TNS1: variants seen among roughly 807,000 people sequenced by gnomAD.
TNS1 encodes tensin 1, also known as tensin-1.
A neutral mutation model predicts 168.6 loss-of-function variants in TNS1; 62 were observed. The ratio of observed to expected loss-of-function variants is 0.37; its 90% confidence interval spans 0.30 to 0.45. The LOEUF is 0.45. TNS1 is among the 20% of genes least tolerant of loss of function. The pLI is 1.00. For synonymous variants in TNS1, 934 were observed against 933.2 expected, an observed-to-expected ratio of 1.00 and a Z score of -0.02; for missense variants, 2,240 against 2,339.4, an observed-to-expected ratio of 0.96 and a Z score of 0.88.
rs912945226 is a variant in TNS1, at chr2:218,032,728, G to A, written c.156+1092C>T. Among the ~76,000 whole-genome samples, 5 of 152,264 alleles carry A rather than the reference G, an allele frequency of 3.3e-5. No homozygotes were observed. Among genetic ancestry groups the A allele is most frequent in the South Asian group, 2.1e-4 (1 of 4,830 alleles). On this transcript the variant is annotated intron_variant, in intron 1 of 1. Coordinates refer to the TNS1 transcript ENST00000649572. The surrounding 1 kb of genome is among the most constrained non-coding windows in gnomAD (Gnocchi z 4.0). ...CTAAACCCCTGAAGGGGGGAGCCCC[G>A]AGCAGCAGCAACCCTCACTGGAGCC...
intron 6 of TNS1, among the ~76,000 whole-genome samples, chr2:217,901,190 T>G (rs942232049): frequency 1.3e-5 from 2 of 152,158 alleles, no homozygotes; most frequent in Non-Finnish European, 2.9e-5. Flanking sequence ...CAGGATGGCA[T>G]GGCGGGTGTG....
chr2:217,827,227 A>G (rs1559179366), intron 22 of TNS1, among the ~76,000 whole-genome samples: 2 of 152,160 alleles, frequency 1.3e-5, no homozygotes, highest in African/African-American at 2.4e-5. Context: ...TAAATGAATC[A>G]ATGCATGAAA....
At position 217,836,014 on chromosome 2, in the gene TNS1, C is replaced by T; in HGVS notation, c.3204+1G>A. 2 of 1,612,120 alleles carry T rather than the reference C, an allele frequency of 1.2e-6. No individual in the cohort carries two copies. Among genetic ancestry groups the T allele is most frequent in the Non-Finnish European group, 1.7e-6 (2 of 1,178,584 alleles). On this transcript the variant is annotated splice_donor_variant, in intron 20 of 32. Transcript: ENST00000682258. LOFTEE classifies it high-confidence loss of function. ...CCCCAAGATACAGCTTAAGGACTCACCTCTTTGGGCCGCCCTCCAGGATTG... is the reference window on the plus strand; with the variant it reads ...CCCCAAGATACAGCTTAAGGACTCATCTCTTTGGGCCGCCCTCCAGGATTG...
Position 217,813,771 on chromosome 2 carries a change from C to T in TNS1, c.4775G>A (p.Arg1592His). ...CGCGCCTCGGAAGGAGTGACTGTCG[C>T]GGATGATGAAGGCCCCCGGCTCCTG... ...KDQEPGAFII[R>H]DSHSFRGAYG... is the part of the protein sequence containing the mutation. Residue 1592 changes from arginine to histidine, a missense_variant, in exon 26 of 33, where the codon CGC (arginine) becomes CAC (histidine). Arg to His is a conservative substitution (Grantham distance 29). Coordinates refer to ENST00000682258, the MANE Select transcript of TNS1 (RefSeq NM_001387777.1). The surrounding 1 kb of genome is among the most constrained non-coding windows in gnomAD (Gnocchi z 4.0). The T allele has an allele frequency of 1.9e-6, 3 of 1,613,890 alleles. No homozygotes were observed. Among genetic ancestry groups the T allele is most frequent in the Non-Finnish European group, 1.7e-6 (2 of 1,179,870 alleles).
At chr2:217,923,377 ATCACCCTTGC>A (rs201407704) in intron 3 of TNS1, among the ~76,000 whole-genome samples, 2,007 of 152,348 alleles carry the variant, frequency 0.013, 50 homozygotes, top group African/African-American at 0.045. Context: ...ATAAACTCCC[ATCACCCTTGC>A]TCTGTGCCAG....
chr2:217,818,706 G>T lies in TNS1; in HGVS notation c.3626C>A (p.Thr1209Lys). ...AGACTCCAACAGAGGCTGGGTGGGC[G>T]TCCGGGGACCCTGGTCACTGCTCTC... is the stretch of plus-strand genomic sequence containing the variant. ...SGESSDQGPR[T>K]PTQPLLESGF... Residue 1209 changes from threonine to lysine, a missense_variant, in exon 24 of 33, where the codon ACG (threonine) becomes AAG (lysine). Thr to Lys is a moderately conservative substitution (Grantham distance 78). Transcript: ENST00000682258. 1 of 1,614,100 alleles carries T rather than the reference G, an allele frequency of 6.2e-7. No individual in the cohort carries two copies. The highest frequency in any genetic ancestry group is 8.5e-7 in the Non-Finnish European group (1 of 1,180,028).
rs1427696948 is a variant in TNS1 at position 217,886,526 on chromosome 2, G to A, written c.979+8C>T. The A allele has an allele frequency of 3.2e-6, 5 of 1,581,562 alleles. No homozygotes were observed. The South Asian group carries it at 5.8e-5, about 18-fold the overall frequency. On this transcript the variant is annotated splice_region_variant and intron_variant, in intron 13 of 32. Transcript: ENST00000682258. Reference sequence around the variant, plus strand: ...AAGGGTGGAGGTCAGAGGGCTCAAGGCAGGTACCTCCTTTAGACTCAAAGT... The same window carrying A: ...AAGGGTGGAGGTCAGAGGGCTCAAGACAGGTACCTCCTTTAGACTCAAAGT...
chr2:217,959,380 GC>G (rs1957440135), intron 3 of TNS1, among the ~76,000 whole-genome samples: 4 of 152,048 alleles, frequency 2.6e-5, no homozygotes, highest in Admixed American at 1.3e-4. Context: ...TGGTATCTTA[GC>G]ATGGAACCTG....
chr2:217,897,099 G>A (rs1428087098), intron 8 of TNS1, among the ~76,000 whole-genome samples: 6 of 152,160 alleles, frequency 3.9e-5, no homozygotes, highest in African/African-American at 1.4e-4. Flanking sequence ...CAAACACCCT[G>A]GGGACAGCCA....
chr2:217,857,460 C>G (rs991828925), intron 18 of TNS1, among the ~76,000 whole-genome samples: 1 of 152,166 alleles, frequency 6.6e-6, no homozygotes, highest in African/African-American at 2.4e-5. Flanking sequence ...GGTGGACTCT[C>G]CAACTATGTC....
At chr2:218,006,581 C>T (rs983746988), upstream of TNS1, among the ~76,000 whole-genome samples, 8 of 152,166 alleles carry the variant, frequency 5.3e-5, no homozygotes, top group South Asian at 2.1e-4. Context: ...CCAGGGGTCA[C>T]GGTAACAGCC....
intron 3 of TNS1, among the ~76,000 whole-genome samples, chr2:217,928,683 C>T (rs1049987139): frequency 1.3e-5 from 2 of 151,968 alleles, no homozygotes; most frequent in African/African-American, 4.8e-5. Context: ...AGGCCCCAGG[C>T]CCCACCCCTC....
chr2:217,864,189 T>C (rs184171679), intron 18 of TNS1, among the ~76,000 whole-genome samples: 2 of 152,318 alleles, frequency 1.3e-5, no homozygotes, highest in African/African-American at 2.4e-5. Context: ...TCACCGCGCT[T>C]CTGCTTCTCC....
At chr2:217,841,316 A>AG in intron 19 of TNS1, 1 of 978,510 alleles carries the variant, frequency 1.0e-6, no homozygotes, top group Non-Finnish European at 1.2e-6. Context: ...GGGAGCCAGC[A>AG]GGGAGTGGGA....
At chr2:217,805,361 C>T (rs1574519046) in intron 32 of TNS1, among the ~76,000 whole-genome samples, 1 of 151,774 alleles carries the variant, frequency 6.6e-6, no homozygotes, top group African/African-American at 2.4e-5. Flanking sequence ...CGCAGGACCA[C>T]GGCAGCTGAA....
chr2:217,940,833 G>A (rs1956873896), intron 3 of TNS1, among the ~76,000 whole-genome samples: 1 of 152,096 alleles, frequency 6.6e-6, no homozygotes, highest in South Asian at 2.1e-4. Flanking sequence ...AGCACTCACG[G>A]GCACTTCCAT....
At position 218,033,727 on chromosome 2, in the gene TNS1, T is replaced by G. The variant is rs1457548087; in HGVS notation, c.156+93A>C. Among the ~76,000 whole-genome samples the G allele has an allele frequency of 3.9e-5, 6 of 152,204 alleles. No homozygotes were observed. The highest frequency in any genetic ancestry group is 6.5e-5 in the Admixed American group (1 of 15,288). On this transcript the variant is annotated intron_variant, in intron 1 of 1. Transcript: ENST00000649572. This position sits in a 1 kb window ranked among gnomAD's most constrained non-coding sequence, Gnocchi z 4.3. ...CAAGCAGACTAGCACCGTCCTGGGC[T>G]GGCTACTTAACCTGTGTCAGGTGCC...
At chr2:217,941,775 C>T (rs1439905882) in intron 3 of TNS1, among the ~76,000 whole-genome samples, 3 of 152,212 alleles carry the variant, frequency 2.0e-5, no homozygotes, top group Admixed American at 6.5e-5. Context: ...ACAAGATAGC[C>T]CATCCTCCTG....
At chr2:217,839,293 T>C (rs1307558311) in intron 19 of TNS1, among the ~76,000 whole-genome samples, 1 of 152,082 alleles carries the variant, frequency 6.6e-6, no homozygotes, top group African/African-American at 2.4e-5. Context: ...ACACCCTATG[T>C]TCAAGGAGCC....
Sources: allele counts gnomAD v4.1 joint callset (sites outside exome capture counted in the v4.1 genomes callset), GRCh38; gene constraint gnomAD v4.1.1; non-coding constraint Gnocchi (gnomAD v3.1); transcripts MANE v1.5; gene names NCBI Gene and HGNC (gene_info 2026-07-23, HGNC 2026-07-21).